SUSD1: variants seen among roughly 807,000 people sequenced by gnomAD.
SUSD1 encodes the protein sushi domain containing 1, also known as sushi domain-containing protein 1.
SUSD1 carries 65 observed loss-of-function variants against 86.9 expected under a neutral mutation model. The ratio of observed to expected loss-of-function variants is 0.75; its 90% CI spans 0.61 to 0.92. The LOEUF is 0.92. SUSD1 is among the 40% of genes least tolerant of loss of function. The pLI is 0.00. For missense variants in SUSD1, 850 were observed against 929.7 expected (o/e 0.91, Z 1.11); for synonymous variants, 346 against 350.0 (o/e 0.99, Z 0.13).
At chr9:112,073,461 C>T (rs1431627577) in intron 12 of SUSD1, among the ~76,000 whole-genome samples, 1 of 152,040 alleles carries the variant, frequency 6.6e-6, no homozygotes, top group Non-Finnish European at 1.5e-5. Context: ...CTTTCTCACG[C>T]TCACTCTCTC....
chr9:112,065,121 G>A (rs892846219), intron 12 of SUSD1, among the ~76,000 whole-genome samples: 1 of 152,178 alleles, frequency 6.6e-6, no homozygotes, highest in Non-Finnish European at 1.5e-5. Flanking sequence ...GTGAACTCAC[G>A]CTCTGCTTAC....
chr9:112,154,103 G>T (rs1358960807), intron 2 of SUSD1, among the ~76,000 whole-genome samples: 3 of 151,984 alleles, frequency 2.0e-5, no homozygotes, highest in Non-Finnish European at 4.4e-5. Flanking sequence ...TGTATATTCG[G>T]TCTATCATTA....
intron 1 of SUSD1, among the ~76,000 whole-genome samples, chr9:112,171,296 T>C (rs1177382455): frequency 6.6e-6 from 1 of 152,082 alleles, no homozygotes; most frequent in Non-Finnish European, 1.5e-5. Context: ...CCCCAGCCTA[T>C]CTTTGAGTCT....
At chr9:112,050,644 AAGGG>A (rs1254985325) in intron 15 of SUSD1, among the ~76,000 whole-genome samples, 1 of 152,172 alleles carries the variant, frequency 6.6e-6, no homozygotes, top group Non-Finnish European at 1.5e-5. Context: ...ACTGTGGGCT[AAGGG>A]CAGAACTTGA....
rs551329370 is a variant in SUSD1 at position 112,168,150 on chromosome 9, G to A, written c.103+6983C>T. Among the ~76,000 whole-genome samples, 3 of 152,294 alleles carry A rather than the reference G, an allele frequency of 2.0e-5. No homozygotes were observed. The East Asian group carries it at 5.8e-4, about 29-fold the overall frequency. On this transcript the variant is annotated intron_variant, in intron 1 of 16. Transcript: ENST00000374270. ...AATACATGAAAAGCAATTAAAATGT[G>A]TCAGACATTGTTATAAGCAACCACT...
At position 112,113,788 on chromosome 9, in the gene SUSD1, G is replaced by A. The variant is rs554012543; in HGVS notation, c.887-920C>T. ...CTCTACTAAAAATACAAAACTTAGC[G>A]GTGCACGGTGGCACATGCCTGTAAT... On this transcript the variant is annotated intron_variant, in intron 6 of 16. Coordinates refer to ENST00000374270, the MANE Select transcript of SUSD1 (RefSeq NM_022486.5). This position sits in a 1 kb window ranked among gnomAD's most constrained non-coding sequence, Gnocchi z 4.1. 4.9e-4 allele frequency among the ~76,000 whole-genome samples: 74 copies of A among 151,952 alleles called. No homozygotes were observed. The highest frequency in any genetic ancestry group is 1.7e-3 in the African/African-American group (71 of 41,436).
chr9:112,142,622 C>T (rs574316081), intron 4 of SUSD1, 123 bp from the exon 5 acceptor site: 3 of 872,430 alleles, frequency 3.4e-6, no homozygotes, highest in African/African-American at 1.7e-5. Flanking sequence ...TTTAAGTACA[C>T]TGGTTCATTC....
intron 13 of SUSD1, among the ~76,000 whole-genome samples, chr9:112,061,221 T>C (rs1156357784): frequency 6.6e-6 from 1 of 152,162 alleles, no homozygotes; most frequent in Non-Finnish European, 1.5e-5. Flanking sequence ...CTCCATTATG[T>C]ACCCCAAGAC....
At chr9:112,112,627 C>T (rs1831150052) in intron 7 of SUSD1, 144 bp downstream of exon 7, 6 of 551,798 alleles carry the variant, frequency 1.1e-5, no homozygotes, top group Non-Finnish European at 1.6e-5. Flanking sequence ...CAGAGTGAGA[C>T]TGTCTCACAA....
At chr9:112,085,193 T>C (rs1323155382) in intron 10 of SUSD1, among the ~76,000 whole-genome samples, 2 of 152,264 alleles carry the variant, frequency 1.3e-5, no homozygotes, top group African/African-American at 2.4e-5. Context: ...ATTGACCCAG[T>C]GGAATATAAG....
chr9:112,137,271 G>A (rs1031472853), intron 5 of SUSD1, among the ~76,000 whole-genome samples: 4 of 152,152 alleles, frequency 2.6e-5, no homozygotes, highest in Admixed American at 6.6e-5. Context: ...AGGGGAGGAG[G>A]AGGAGGAGGA....
At chr9:112,111,599 C>G (rs1474641991) in intron 8 of SUSD1, 55 bp downstream of exon 8, 34 of 1,574,782 alleles carry the variant, frequency 2.2e-5, no homozygotes, top group Non-Finnish European at 2.9e-5. Context: ...GCATACTTCC[C>G]CACATTCTGT....
intron 10 of SUSD1, among the ~76,000 whole-genome samples, chr9:112,097,798 A>G (rs567711804): frequency 6.2e-4 from 94 of 152,094 alleles, no homozygotes; most frequent in African/African-American, 2.0e-3. Context: ...AGCAGGACCT[A>G]CCCTCTTCTG....
intron 3 of SUSD1, among the ~76,000 whole-genome samples, chr9:112,147,555 T>C (rs956186476): frequency 1.3e-5 from 2 of 149,920 alleles, no homozygotes; most frequent in Admixed American, 1.3e-4. Context: ...CAGATCACAA[T>C]GTCAAGAGAT....
At chr9:112,061,143 C>A (rs766527412) in intron 13 of SUSD1, among the ~76,000 whole-genome samples, 2 of 152,140 alleles carry the variant, frequency 1.3e-5, no homozygotes, top group South Asian at 2.1e-4. Flanking sequence ...TTAAGGGAAC[C>A]CAGCAACAGG....
chr9:112,066,526 T>C (rs1389271742), intron 12 of SUSD1, among the ~76,000 whole-genome samples: 1 of 152,114 alleles, frequency 6.6e-6, no homozygotes, highest in Non-Finnish European at 1.5e-5. Context: ...TGGAGTGGCA[T>C]TCTGCTGAAT....
chr9:112,093,492 T>C (rs10981258), intron 10 of SUSD1, among the ~76,000 whole-genome samples: 20,905 of 152,174 alleles, frequency 0.14, 1,799 homozygotes, highest in East Asian at 0.22. Flanking sequence ...CAACTGCCCA[T>C]ATTTCCAGGG....
At chr9:112,165,117 G>A (rs781621) in intron 1 of SUSD1, among the ~76,000 whole-genome samples, 24,942 of 152,156 alleles carry the variant, frequency 0.16, 2,429 homozygotes, top group East Asian at 0.29. Flanking sequence ...CCCCCCGAAA[G>A]TCCTTTCTCC....
chr9:112,066,682 A>T (rs961892356), intron 12 of SUSD1, among the ~76,000 whole-genome samples: 1 of 152,100 alleles, frequency 6.6e-6, no homozygotes, highest in African/African-American at 2.4e-5. Flanking sequence ...CATACTTTAT[A>T]TGTAAGTGCT....
Sources: allele counts gnomAD v4.1 joint callset (sites outside exome capture counted in the v4.1 genomes callset), GRCh38; gene constraint gnomAD v4.1.1; non-coding constraint Gnocchi (gnomAD v3.1); transcripts MANE v1.5; gene names NCBI Gene and HGNC (gene_info 2026-07-23, HGNC 2026-07-21).